Variants in LINGO2 observed in about 807,000 individuals in gnomAD.
LINGO2 encodes the protein leucine rich repeat and Ig domain containing 2.
LINGO2 carries 14 observed loss-of-function variants against 30.6 expected under a neutral mutation model. The observed-to-expected ratio is 0.46, with a 90% CI of 0.30 to 0.72. LINGO2 has a LOEUF of 0.72. Ranked by LOEUF, LINGO2 falls within the 30% of genes least tolerant of loss-of-function variation. LINGO2 has a pLI of 0.07. For synonymous variants in LINGO2, 317 were observed against 288.5 expected, an observed-to-expected ratio of 1.10 and a Z score of -1.00; for missense variants, 729 against 751.7, an observed-to-expected ratio of 0.97 and a Z score of 0.35.
At chr9:28,631,993 C>T (rs1826964476) in intron 1 of LINGO2, among the ~76,000 whole-genome samples, 1 of 152,018 alleles carries the variant, frequency 6.6e-6, no homozygotes, top group Admixed American at 6.6e-5. Context: ...GTTTGGTAAA[C>T]AGATTTAGTT....
chr9:28,394,560 A>G (rs1821966786), intron 2 of LINGO2, among the ~76,000 whole-genome samples: 1 of 152,210 alleles, frequency 6.6e-6, no homozygotes, highest in Non-Finnish European at 1.5e-5. Context: ...TTGAAAGAAG[A>G]CATTCCTTTA....
At chr9:28,971,588 G>T in the LINGO2 span, among the ~76,000 whole-genome samples, 1 of 152,206 alleles carries the variant, frequency 6.6e-6, no homozygotes, top group Non-Finnish European at 1.5e-5. Flanking sequence ...GTGGGAGACT[G>T]CATCTTGTGG....
intron 1 of LINGO2, among the ~76,000 whole-genome samples, chr9:28,629,824 G>GA (rs1826850757): frequency 6.6e-6 from 1 of 151,944 alleles, no homozygotes; most frequent in African/African-American, 2.4e-5. Context: ...GAAGAAGTAT[G>GA]AAAAAATGCA....
In LINGO2 at chr9:28,355,722, C is replaced by T. The variant is rs550688209; in HGVS notation, c.-246+17114G>A. 3.3e-5 allele frequency among the ~76,000 whole-genome samples: 5 copies of T among 152,186 alleles called. No individual in the cohort carries two copies. The South Asian group carries it at 1.0e-3, about 32-fold the overall frequency. ...CACAGTGAAGGATCGAAACCCTAGG[C>T]TAAGAGAGATTGCTTTTGCGTAGTA... On this transcript the variant is annotated intron_variant, in intron 3 of 5. Transcript: ENST00000379992.
chr9:29,055,047 C>T, the LINGO2 span, among the ~76,000 whole-genome samples: 1 of 151,972 alleles, frequency 6.6e-6, no homozygotes, highest in Non-Finnish European at 1.5e-5. Flanking sequence ...GGTGAAGCCC[C>T]ATCTCTACTA....
the LINGO2 span, among the ~76,000 whole-genome samples, chr9:29,122,629 G>A: frequency 6.6e-6 from 1 of 152,064 alleles, no homozygotes; most frequent in Non-Finnish European, 1.5e-5. Flanking sequence ...AGATTAAACA[G>A]CCTCAGATCT....
intron 2 of LINGO2, among the ~76,000 whole-genome samples, chr9:28,432,591 T>A (rs1048121519): frequency 2.0e-5 from 3 of 152,092 alleles, no homozygotes; most frequent in African/African-American, 7.2e-5. Context: ...AAAATAAATC[T>A]ATTCACATGG....
chr9:28,053,169 T>C (rs1205988840), intron 4 of LINGO2, among the ~76,000 whole-genome samples: 1 of 152,064 alleles, frequency 6.6e-6, no homozygotes, highest in East Asian at 1.9e-4. Flanking sequence ...CAAGGAAATA[T>C]TTAGTAGACT....
chr9:28,799,188 TAGAA>T, the LINGO2 span, among the ~76,000 whole-genome samples: 4 of 152,086 alleles, frequency 2.6e-5, no homozygotes, highest in South Asian at 2.1e-4. Context: ...GGAGTAGTGT[TAGAA>T]AGAGTGGCAA....
chr9:28,770,044 C>T, the LINGO2 span, among the ~76,000 whole-genome samples: 5 of 152,078 alleles, frequency 3.3e-5, no homozygotes, highest in South Asian at 2.1e-4. Context: ...TTCTTCTCCA[C>T]TTTTATTTAG....
the LINGO2 span, among the ~76,000 whole-genome samples, chr9:28,993,317 A>G: frequency 6.6e-6 from 1 of 152,200 alleles, no homozygotes; most frequent in Non-Finnish European, 1.5e-5. Context: ...CTAAACCAGG[A>G]AAAAGTTGAA....
the LINGO2 span, among the ~76,000 whole-genome samples, chr9:28,791,585 A>C: frequency 3.3e-5 from 5 of 152,076 alleles, no homozygotes; most frequent in African/African-American, 1.2e-4. Context: ...ATATACTTGA[A>C]TATATCTTAT....
chr9:27,998,840 G>T (rs574191846), intron 5 of LINGO2, among the ~76,000 whole-genome samples: 5 of 152,174 alleles, frequency 3.3e-5, no homozygotes, highest in African/African-American at 1.2e-4. Flanking sequence ...GCCCAGCTGA[G>T]ATCCATAACT....
chr9:28,837,661 CATATATATAT>C, the LINGO2 span, among the ~76,000 whole-genome samples: 2 of 89,406 alleles, frequency 2.2e-5, no homozygotes, highest in East Asian at 7.5e-4. Context: ...TATATATATA[CATATATATAT>C]ATATATATAT....
the LINGO2 span, among the ~76,000 whole-genome samples, chr9:29,202,298 G>A: frequency 6.6e-6 from 1 of 151,912 alleles, no homozygotes; most frequent in African/African-American, 2.4e-5. Flanking sequence ...TTAAGTATAA[G>A]TAGGAGTCTT....
intron 1 of LINGO2, among the ~76,000 whole-genome samples, chr9:28,658,898 G>A (rs1178895081): frequency 6.6e-6 from 1 of 152,020 alleles, no homozygotes; most frequent in African/African-American, 2.4e-5. Flanking sequence ...TCATATGAAT[G>A]TATCTTCAGG....
At chr9:28,591,566 A>G (rs1278611593) in intron 1 of LINGO2, among the ~76,000 whole-genome samples, 2 of 151,936 alleles carry the variant, frequency 1.3e-5, no homozygotes, top group Admixed American at 1.3e-4. Flanking sequence ...CCCCAAGTAA[A>G]AGTGTTAGGC....
chr9:28,632,425 A>G (rs973123550), intron 1 of LINGO2, among the ~76,000 whole-genome samples: 4 of 151,692 alleles, frequency 2.6e-5, no homozygotes, highest in Admixed American at 6.6e-5. Context: ...GATGAGAGAA[A>G]GAACAAGAGG....
At chr9:29,065,462 G>T in the LINGO2 span, among the ~76,000 whole-genome samples, 1 of 151,976 alleles carries the variant, frequency 6.6e-6, no homozygotes, top group Non-Finnish European at 1.5e-5. Flanking sequence ...AAAGGAACGG[G>T]TCCAGTTTCA....
Sources: gnomAD v4.1 joint callset for allele counts (sites outside exome capture counted in the v4.1 genomes callset) on GRCh38, gnomAD v4.1.1 for gene constraint, MANE v1.5 for transcripts, NCBI Gene and HGNC (gene_info 2026-07-23, HGNC 2026-07-21) for gene names.